The following SERPINI2 variants were observed in gnomAD, a reference collection of about 807,000 sequenced individuals.
SERPINI2 encodes serpin family I member 2, also known as serpin I2.
A neutral mutation model predicts 47.3 loss-of-function variants in SERPINI2; 48 were observed. The observed-to-expected ratio is 1.02, with a 90% confidence interval of 0.81 to 1.29. The LOEUF (loss-of-function observed/expected upper bound fraction) is 1.29, where lower values mean the gene tolerates loss of function less well. Ranked by LOEUF, SERPINI2 falls within the 50% of genes most tolerant of loss-of-function variation. The pLI is 0.00. For synonymous variants in SERPINI2, 135 were observed against 149.3 expected (o/e 0.90, Z 0.70); for missense variants, 448 against 456.9 (o/e 0.98, Z 0.18).
At position 167,465,514 on chromosome 3, in the gene SERPINI2, AT is replaced by A; in HGVS notation, c.637del (p.Ile213PhefsTer3). 6.2e-7 allele frequency: 1 copy of A among 1,613,816 alleles called. No individual in the cohort carries two copies. Among genetic ancestry groups the A allele is most frequent in the Non-Finnish European group, 8.5e-7 (1 of 1,179,938 alleles). ...TCTCAGAAGAGCCTTCATCATTGGA[AT>A]TTTGACAGTTGAACCATTTTTCTTA... On this transcript the variant is annotated frameshift_variant, in exon 4 of 9. Coordinates refer to ENST00000264677, the Ensembl canonical transcript of SERPINI2. LOFTEE classifies it high-confidence loss of function.
intron 1 of SERPINI2, among the ~76,000 whole-genome samples, chr3:167,472,108 G>T (rs1750344661): frequency 6.6e-6 from 1 of 152,030 alleles, no homozygotes; most frequent in Admixed American, 6.6e-5. Context: ...TACAATGTTG[G>T]AATGTTATCA....
intron 3 of SERPINI2, 50 bp downstream of exon 3, chr3:167,467,005 A>G: frequency 7.3e-7 from 1 of 1,363,322 alleles, no homozygotes; most frequent in Non-Finnish European, 1.0e-6. Context: ...GATATTAAAA[A>G]CCATGAATAC....
rs567313566 is a variant in SERPINI2, at chr3:167,460,500, C to A, written c.866+4706G>T. ...ATTGTTAATGAACTAAATACATAAGCAAATTGTTCCTTTAACAAATCAGAA... is the reference window on the plus strand; with the variant it reads ...ATTGTTAATGAACTAAATACATAAGAAAATTGTTCCTTTAACAAATCAGAA... On this transcript the variant is annotated intron_variant, in intron 5 of 8. Coordinates refer to ENST00000264677, the Ensembl canonical transcript of SERPINI2. Among the ~76,000 whole-genome samples, 5 of 152,256 alleles carry A rather than the reference C, an allele frequency of 3.3e-5. No individual in the cohort carries two copies. The South Asian group carries it at 1.0e-3, about 32-fold the overall frequency.
intron 2 of SERPINI2, among the ~76,000 whole-genome samples, chr3:167,470,305 T>C (rs1750267906): frequency 6.6e-6 from 1 of 152,142 alleles, no homozygotes. Context: ...GTCTTTTCTG[T>C]ATAAAATTGT....
exon 2 of SERPINI2, chr3:167,471,788 C>T: frequency 6.2e-7 from 1 of 1,613,178 alleles, no homozygotes; most frequent in Non-Finnish European, 8.5e-7. Flanking sequence ...TGAGGCTTGA[C>T]TTCCAAAAAA....
intron 7 of SERPINI2, 91 bp downstream of exon 7, chr3:167,449,224 AG>A (rs1471445568): frequency 2.3e-6 from 2 of 860,218 alleles, no homozygotes; most frequent in Non-Finnish European, 3.9e-6. Context: ...GAAGAGAAAA[AG>A]AAGAGTACAA....
At chr3:167,451,033 TATTAA>T (rs1487632399) in intron 6 of SERPINI2, among the ~76,000 whole-genome samples, 8 of 152,210 alleles carry the variant, frequency 5.3e-5, no homozygotes, top group African/African-American at 1.9e-4. Context: ...AGTACATTGT[TATTAA>T]ATTAAGAGAA....
intron 1 of SERPINI2, among the ~76,000 whole-genome samples, chr3:167,472,660 G>A (rs1750368694): frequency 2.6e-5 from 4 of 151,610 alleles, no homozygotes; most frequent in Admixed American, 2.6e-4. Context: ...TCAAAGAATT[G>A]ACAGAAATAC....
chr3:167,474,877 T>A (rs190614414), upstream of SERPINI2, among the ~76,000 whole-genome samples: 2 of 151,766 alleles, frequency 1.3e-5, no homozygotes, highest in East Asian at 1.9e-4. Context: ...AGAAAAAAAA[T>A]TTAGTTCACT....
At chr3:167,476,417 A>C (rs1394940617), upstream of SERPINI2, among the ~76,000 whole-genome samples, 1 of 151,624 alleles carries the variant, frequency 6.6e-6, no homozygotes, top group African/African-American at 2.4e-5. Flanking sequence ...TTCTCTTCTC[A>C]TTGAATATAT....
At chr3:167,445,672 T>C (rs893389453) in intron 8 of SERPINI2, among the ~76,000 whole-genome samples, 1 of 152,186 alleles carries the variant, frequency 6.6e-6, no homozygotes, top group African/African-American at 2.4e-5. Flanking sequence ...AACTCTCACA[T>C]GAGCATTATG....
chr3:167,462,253 T>TCTG (rs955981428), intron 5 of SERPINI2, among the ~76,000 whole-genome samples: 1 of 152,180 alleles, frequency 6.6e-6, no homozygotes, highest in Non-Finnish European at 1.5e-5. Context: ...TTGAAGTTGT[T>TCTG]CTTGTATTAG....
chr3:167,450,156 C>T (rs1749603803), intron 6 of SERPINI2, among the ~76,000 whole-genome samples: 1 of 152,198 alleles, frequency 6.6e-6, no homozygotes, highest in Non-Finnish European at 1.5e-5. Context: ...ATAAAATGTA[C>T]TTGCCTTCAA....
In SERPINI2 at chr3:167,467,035, A is replaced by G. The variant is rs188214612; in HGVS notation, c.478+20T>C. The G allele has an allele frequency of 8.1e-4, 1,256 of 1,543,440 alleles. 11 individuals are homozygous for G. In the African/African-American group the frequency reaches 0.016, roughly 19 times the overall value. The stretch of plus-strand genomic sequence containing the variant: ...GAATACAATGGCAAATAATAATTTT[A>G]TGAAAATGGGAAACTTTACCATCTG... On this transcript the variant is annotated intron_variant, in intron 3 of 8. Transcript: ENST00000264677.
At chr3:167,452,959 C>T (rs777801443) in exon 6 of SERPINI2, 1 of 1,604,016 alleles carries the variant, frequency 6.2e-7, no homozygotes, top group South Asian at 1.1e-5. Context: ...AAGGTCGCAG[C>T]CACCACTAAA....
chr3:167,449,163 C>T (rs557304156), intron 7 of SERPINI2, among the ~76,000 whole-genome samples, 153 bp downstream of exon 7: 32 of 152,238 alleles, frequency 2.1e-4, no homozygotes, highest in African/African-American at 7.7e-4. Flanking sequence ...GAAATATGAA[C>T]AGCGTATACA....
At chr3:167,459,927 A>G (rs1464910491) in intron 5 of SERPINI2, among the ~76,000 whole-genome samples, 4 of 152,314 alleles carry the variant, frequency 2.6e-5, no homozygotes, top group South Asian at 4.1e-4. Context: ...AGATGGCTAC[A>G]TGACAACAGA....
chr3:167,444,486 T>C (rs566752572), intron 8 of SERPINI2, among the ~76,000 whole-genome samples: 32 of 152,286 alleles, frequency 2.1e-4, no homozygotes, highest in Admixed American at 1.2e-3. Context: ...ATACACTTTA[T>C]GTATACCATG....
chr3:167,442,212 A>G, intron 8 of SERPINI2, 27 bp from the exon 9 acceptor site: 2 of 1,506,022 alleles, frequency 1.3e-6, no homozygotes, highest in Non-Finnish European at 1.8e-6. Flanking sequence ...AAAAAAATAT[A>G]CTTTAGGAAT....
Sources: gnomAD v4.1 joint callset for allele counts (sites outside exome capture counted in the v4.1 genomes callset) on GRCh38, gnomAD v4.1.1 for gene constraint, MANE v1.5 for transcripts, NCBI Gene and HGNC (gene_info 2026-07-23, HGNC 2026-07-21) for gene names.